CD36: variants seen among roughly 807,000 people sequenced by gnomAD.
CD36 encodes the protein platelet glycoprotein 4.
A neutral mutation model predicts 55.2 loss-of-function variants in CD36; 119 were observed. That is an observed-to-expected ratio of 2.15 (90% confidence interval 1.86 to 2.51). CD36 has a LOEUF of 2.51. Among genes scored for constraint, CD36 ranks in the 30% most tolerant of loss-of-function variants. The probability of loss-of-function intolerance (pLI) is 0.00; values close to 1 mark genes in which losing one functional copy is unlikely to be tolerated. For missense variants in CD36, 819 were observed against 555.5 expected, an observed-to-expected ratio of 1.47 and a Z score of -4.77; for synonymous variants, 186 against 193.6, an observed-to-expected ratio of 0.96 and a Z score of 0.33.
At chr7:80,657,406 T>G (rs1312944426) in intron 4 of CD36, among the ~76,000 whole-genome samples, 1 of 152,228 alleles carries the variant, frequency 6.6e-6, no homozygotes, top group Non-Finnish European at 1.5e-5. Flanking sequence ...CACTCTTATA[T>G]TTCCTCTAGT....
At chr7:80,645,312 G>T (rs971305353) in intron 1 of CD36, among the ~76,000 whole-genome samples, 1 of 150,732 alleles carries the variant, frequency 6.6e-6, no homozygotes, top group Admixed American at 6.6e-5. Context: ...GAGCCACCAC[G>T]CCCGGCTCTC....
At chr7:80,605,851 T>C (rs1792518924) in intron 1 of CD36, among the ~76,000 whole-genome samples, 1 of 152,128 alleles carries the variant, frequency 6.6e-6, no homozygotes. Context: ...AGCAGATGCA[T>C]AGACAAAGAA....
chr7:80,672,158 T>C (rs1030449104), intron 11 of CD36, 118 bp downstream of exon 11: 9 of 863,936 alleles, frequency 1.0e-5, no homozygotes, highest in African/African-American at 3.4e-5. Context: ...TGAATCACAT[T>C]CTTGAAAGTT....
intron 1 of CD36, among the ~76,000 whole-genome samples, chr7:80,632,684 C>T (rs1794153629): frequency 6.6e-6 from 1 of 151,848 alleles, no homozygotes; most frequent in Admixed American, 6.6e-5. Context: ...ATGGTTTAAA[C>T]AAAATAAGAA....
At chr7:80,669,519 CTGGGTGCAAGCAATT>C (rs1412708099) in intron 8 of CD36, among the ~76,000 whole-genome samples, 39 of 152,188 alleles carry the variant, frequency 2.6e-4, no homozygotes, top group African/African-American at 8.9e-4. Flanking sequence ...TATCCGCCTC[CTGGGTGCAAGCAATT>C]ATCCTGCCTC....
Position 80,646,873 on chromosome 7 carries a change from C to G in CD36, c.120+13C>G, listed in dbSNP as rs575810467. 6.2e-7 allele frequency: 1 copy of G among 1,613,272 alleles called. No homozygotes were observed. Among genetic ancestry groups the G allele is most frequent in the Non-Finnish European group, 8.5e-7 (1 of 1,179,566 alleles). ...GACAATTAAAAAGGTACAAGTAGTCCAAAGAATATGCCTTCTCATTTTGAT... is the reference window on the plus strand; with the variant it reads ...GACAATTAAAAAGGTACAAGTAGTCGAAAGAATATGCCTTCTCATTTTGAT... On this transcript the variant is annotated intron_variant, in intron 3 of 14. Transcript: ENST00000447544.
chr7:80,656,615 T>C lies in CD36; in HGVS notation c.196T>C (p.Trp66Arg). ...KTGTEVYRQF[W>R]IFDVQNPQEV... The stretch of plus-strand genomic sequence containing the variant: ...AGGCACAGAAGTTTACAGACAGTTT[T>C]GGATCTTTGATGTGCAAAATCCACA... The change falls in exon 4 of 15, where the codon TGG becomes CGG. Residue 66 changes from tryptophan to arginine, a missense_variant. By Grantham distance (101) the Trp-to-Arg change is moderately radical. Transcript: ENST00000447544. 6.2e-7 allele frequency: 1 copy of C among 1,613,874 alleles called. No individual in the cohort carries two copies.
At chr7:80,664,829 T>C (rs1030744836) in intron 7 of CD36, among the ~76,000 whole-genome samples, 4 of 141,666 alleles carry the variant, frequency 2.8e-5, no homozygotes, top group Non-Finnish European at 4.6e-5. Flanking sequence ...ATTCTTACAA[T>C]TAGATAACCA....
At chr7:80,646,247 C>G (rs1225033909) in intron 2 of CD36, 66 bp downstream of exon 2, 1 of 175,204 alleles carries the variant, frequency 5.7e-6, no homozygotes, top group Non-Finnish European at 1.2e-5. Flanking sequence ...ATCAGTCAAC[C>G]CACATTCTGT....
chr7:80,622,208 C>G (rs1406973952), intron 1 of CD36, among the ~76,000 whole-genome samples: 4 of 152,214 alleles, frequency 2.6e-5, no homozygotes, highest in Non-Finnish European at 5.9e-5. Flanking sequence ...TTCTGTCTTC[C>G]TCACCCTTCA....
At chr7:80,643,802 A>G (rs1257443574) in intron 1 of CD36, among the ~76,000 whole-genome samples, 1 of 152,306 alleles carries the variant, frequency 6.6e-6, no homozygotes, top group East Asian at 1.9e-4. Flanking sequence ...GTCTGCTTTC[A>G]TTTAGCAAGA....
At chr7:80,634,244 C>T (rs1794254872), upstream of CD36, among the ~76,000 whole-genome samples, 1 of 151,956 alleles carries the variant, frequency 6.6e-6, no homozygotes, top group African/African-American at 2.4e-5. Flanking sequence ...AGGTAGTAAG[C>T]TCCTACTATG....
intron 4 of CD36, among the ~76,000 whole-genome samples, chr7:80,658,103 T>C (rs1469109943): frequency 1.3e-5 from 2 of 152,210 alleles, no homozygotes; most frequent in African/African-American, 4.8e-5. Context: ...ATCGGGTGTC[T>C]CTGTGCGCAT....
intron 3 of CD36, among the ~76,000 whole-genome samples, chr7:80,652,942 C>T (rs1287505399): frequency 2.0e-5 from 3 of 152,084 alleles, no homozygotes; most frequent in South Asian, 4.1e-4. Flanking sequence ...CATGAAAATG[C>T]CAAAATTCAA....
chr7:80,602,693 TC>T (rs1231248481), intron 1 of CD36, among the ~76,000 whole-genome samples: 1 of 152,152 alleles, frequency 6.6e-6, no homozygotes, highest in East Asian at 1.9e-4. Flanking sequence ...TCTCGTGACT[TC>T]AAAAAGTGTA....
intron 1 of CD36, among the ~76,000 whole-genome samples, chr7:80,612,337 G>A (rs1393278837): frequency 6.6e-6 from 1 of 152,128 alleles, no homozygotes; most frequent in Non-Finnish European, 1.5e-5. Flanking sequence ...TGCACAAATT[G>A]TTTGGGGGCA....
At chr7:80,661,256 A>T (rs1393136415) in intron 5 of CD36, 46 bp downstream of exon 5, 4 of 1,533,412 alleles carry the variant, frequency 2.6e-6, no homozygotes, top group Middle Eastern at 1.7e-4. Flanking sequence ...ATACTCTAGA[A>T]CTCATGTAAT....
intron 3 of CD36, among the ~76,000 whole-genome samples, chr7:80,649,316 C>G (rs1479014559): frequency 3.3e-5 from 5 of 152,046 alleles, no homozygotes; most frequent in African/African-American, 2.4e-5. Flanking sequence ...TTGTATACTA[C>G]TCTACAGCAG....
At chr7:80,655,039 T>G (rs1562800078) in intron 3 of CD36, among the ~76,000 whole-genome samples, 1 of 152,130 alleles carries the variant, frequency 6.6e-6, no homozygotes, top group Non-Finnish European at 1.5e-5. Flanking sequence ...CACTGGAAAA[T>G]GTGATCATGT....
Sources: gnomAD v4.1 joint callset for allele counts (sites outside exome capture counted in the v4.1 genomes callset) on GRCh38, gnomAD v4.1.1 for gene constraint, MANE v1.5 for transcripts, NCBI Gene and HGNC (gene_info 2026-07-23, HGNC 2026-07-21) for gene names.